KLF8: variants seen among roughly 807,000 people sequenced by gnomAD.
The protein encoded by KLF8 is KLF transcription factor 8.
Under a neutral mutation model 18.2 loss-of-function variants are expected in KLF8, and 10 were observed. That is an observed-to-expected ratio of 0.55 (90% confidence interval 0.34 to 0.93). KLF8 has a LOEUF of 0.93. Ranked by LOEUF, KLF8 falls within the 40% of genes least tolerant of loss-of-function variation. The probability of loss-of-function intolerance (pLI) is 0.02; values close to 1 mark genes in which losing one functional copy is unlikely to be tolerated. For synonymous variants in KLF8, 109 were observed against 97.3 expected (o/e 1.12, Z -0.71); for missense variants, 264 against 277.9 (o/e 0.95, Z 0.36).
chrX:56,103,712 C>T, the KLF8 span, among the ~76,000 whole-genome samples: 2 of 111,112 alleles, frequency 1.8e-5, no homozygotes, highest in Non-Finnish European at 3.8e-5. Flanking sequence ...TTTCTTTCTC[C>T]TGCCTGATTG....
chrX:56,104,712 C>G, the KLF8 span, among the ~76,000 whole-genome samples: 1 of 111,236 alleles, frequency 9.0e-6, no homozygotes, highest in Non-Finnish European at 1.9e-5. Context: ...GTCTCTATCT[C>G]CTTCAGTTCT....
chrX:55,981,124 C>T, the KLF8 span, among the ~76,000 whole-genome samples: 10 of 111,914 alleles, frequency 8.9e-5, no homozygotes, highest in Non-Finnish European at 1.3e-4. Context: ...ACCCGGGAGG[C>T]GGAGGTTGCA....
rs1044525192 is a variant in KLF8 at position 56,264,777 on chromosome X, C to A, written c.82-403C>A. ...TTTTCTAAAACGCCTTGCTTGTATGCCTGTTACATTATTTATTATGGTATG... is the reference window on the plus strand; with the variant it reads ...TTTTCTAAAACGCCTTGCTTGTATGACTGTTACATTATTTATTATGGTATG... On this transcript the variant is annotated intron_variant, in intron 2 of 5. Coordinates refer to ENST00000468660, the MANE Select transcript of KLF8 (RefSeq NM_007250.5). 4.5e-5 allele frequency among the ~76,000 whole-genome samples: 5 copies of A among 111,207 alleles called. No homozygotes were observed. In the Admixed American group the frequency reaches 4.8e-4, roughly 11 times the overall value.
At chrX:56,158,444 G>A in the KLF8 span, among the ~76,000 whole-genome samples, 1 of 111,949 alleles carries the variant, frequency 8.9e-6, no homozygotes, top group Non-Finnish European at 1.9e-5. Context: ...TTGGTAGCTT[G>A]ATGGGGATGG....
At position 56,232,642 on chromosome X, in the gene KLF8, C is replaced by G. The variant is rs1213227187; in HGVS notation, c.-693C>G. The stretch of plus-strand genomic sequence containing the variant: ...CCTGCCCTGGGGCTGGTGTTCTTCT[C>G]TATGATTCTACCAATCGTCGGCATT... On this transcript the variant is annotated 5_prime_UTR_variant, in exon 1 of 6. Coordinates refer to ENST00000468660, the MANE Select transcript of KLF8 (RefSeq NM_007250.5). 1 of 111,694 alleles carries G rather than the reference C, an allele frequency of 9.0e-6. No homozygotes were observed. Among genetic ancestry groups the G allele is most frequent in the African/African-American group, 3.3e-5 (1 of 30,681 alleles). 9.2% of individuals were successfully genotyped at this position (111,694 alleles called of 1,213,427 possible).
the KLF8 span, among the ~76,000 whole-genome samples, chrX:56,084,414 G>A: frequency 2.7e-5 from 3 of 110,520 alleles, no homozygotes; most frequent in African/African-American, 6.6e-5. Flanking sequence ...AACAAAAAAA[G>A]AAATTCTTTG....
chrX:56,074,554 T>G, the KLF8 span: 3 of 113,022 alleles, frequency 2.7e-5, no homozygotes, highest in Admixed American at 1.9e-4. Flanking sequence ...ATCTTTTTAC[T>G]ATTGAATACC....
At chrX:56,177,539 C>T in the KLF8 span, among the ~76,000 whole-genome samples, 4 of 111,063 alleles carry the variant, frequency 3.6e-5, no homozygotes, top group African/African-American at 6.5e-5. Flanking sequence ...AGTTAGGCTA[C>T]TCGGGGGTCA....
the KLF8 span, among the ~76,000 whole-genome samples, chrX:56,133,755 C>A: frequency 9.0e-6 from 1 of 110,980 alleles, no homozygotes; most frequent in Admixed American, 9.6e-5. Flanking sequence ...TGATTGTATA[C>A]CTAGAAAACC....
chrX:55,951,731 T>TAA, the KLF8 span, among the ~76,000 whole-genome samples: 15 of 110,259 alleles, frequency 1.4e-4, no homozygotes, highest in African/African-American at 4.6e-4. Context: ...AAAGATCTGG[T>TAA]AAATATATAT....
chrX:56,120,252 C>G, the KLF8 span, among the ~76,000 whole-genome samples: 3 of 111,519 alleles, frequency 2.7e-5, no homozygotes, highest in African/African-American at 9.8e-5. Flanking sequence ...CTAACAGTGC[C>G]CAGCTTTAGG....
the KLF8 span, among the ~76,000 whole-genome samples, chrX:56,174,790 T>G: frequency 8.9e-6 from 1 of 111,829 alleles, no homozygotes; most frequent in African/African-American, 3.3e-5. Flanking sequence ...TATTGGTCTA[T>G]TCAGAGATTC....
the KLF8 span, among the ~76,000 whole-genome samples, chrX:56,083,185 C>T: frequency 3.6e-5 from 4 of 111,799 alleles, no homozygotes; most frequent in African/African-American, 9.7e-5. Flanking sequence ...CCCCTAAGTC[C>T]CTAAGGCTCT....
the KLF8 span, among the ~76,000 whole-genome samples, chrX:56,017,768 A>G: frequency 8.9e-6 from 1 of 112,110 alleles, no homozygotes; most frequent in South Asian, 3.7e-4. Context: ...GTAAAAAACG[A>G]TGGACATAAA....
the KLF8 span, among the ~76,000 whole-genome samples, chrX:56,066,490 G>T: frequency 8.9e-6 from 1 of 112,074 alleles, no homozygotes; most frequent in Non-Finnish European, 1.9e-5. Flanking sequence ...GGGTGAGGTT[G>T]CTTGCATTGG....
At chrX:56,183,626 C>G in the KLF8 span, among the ~76,000 whole-genome samples, 1 of 110,820 alleles carries the variant, frequency 9.0e-6, no homozygotes, top group Admixed American at 9.7e-5. Context: ...TTACAGGCCT[C>G]ATGGTAACCT....
At chrX:56,197,438 C>CA in the KLF8 span, among the ~76,000 whole-genome samples, 1 of 111,508 alleles carries the variant, frequency 9.0e-6, no homozygotes, top group Non-Finnish European at 1.9e-5. Flanking sequence ...TACAAACTAC[C>CA]ATCAGAGAAT....
chrX:56,199,781 C>A, the KLF8 span, among the ~76,000 whole-genome samples: 4 of 111,422 alleles, frequency 3.6e-5, no homozygotes, highest in Non-Finnish European at 7.5e-5. Context: ...CACATGCACA[C>A]GTATGTTTAT....
the KLF8 span, among the ~76,000 whole-genome samples, chrX:55,939,489 G>A: frequency 2.5e-3 from 274 of 111,249 alleles, no homozygotes; most frequent in Admixed American, 7.3e-3. Flanking sequence ...GAGCAAACAC[G>A]TTCAAAATCT....
Sources: allele counts gnomAD v4.1 joint callset (sites outside exome capture counted in the v4.1 genomes callset), GRCh38; gene constraint gnomAD v4.1.1; transcripts MANE v1.5; gene names NCBI Gene and HGNC (gene_info 2026-07-23, HGNC 2026-07-21).